Variants in PI4KA observed in about 807,000 individuals in gnomAD.
The protein encoded by PI4KA is phosphatidylinositol 4-kinase alpha.
In PI4KA, 122 loss-of-function variants were observed where a neutral mutation model predicts 271.4. The observed-to-expected ratio is 0.45, with a 90% CI of 0.39 to 0.52. The LOEUF is 0.52. PI4KA is among the 20% of genes least tolerant of loss of function. The pLI is 0.00. For missense variants in PI4KA, 1,969 were observed against 2,769.1 expected (o/e 0.71, Z 6.48); for synonymous variants, 1,041 against 1,078.8 (o/e 0.96, Z 0.69).
At chr22:20,804,062 C>T (rs760861788) in intron 12 of PI4KA, among the ~76,000 whole-genome samples, 7 of 152,218 alleles carry the variant, frequency 4.6e-5, no homozygotes, top group Non-Finnish European at 7.4e-5. Context: ...CTCACAACAA[C>T]GGAGAACTGA....
intron 19 of PI4KA, among the ~76,000 whole-genome samples, chr22:20,771,559 T>C (rs1932874002): frequency 1.4e-5 from 2 of 142,408 alleles, no homozygotes; most frequent in Non-Finnish European, 3.1e-5. Context: ...ACAGGAAATA[T>C]GTTGGCTTTA....
chr22:20,713,590 G>T (rs935291847), intron 47 of PI4KA, among the ~76,000 whole-genome samples, 200 bp from the exon 48 acceptor site: 2 of 152,222 alleles, frequency 1.3e-5, no homozygotes, highest in African/African-American at 4.8e-5. Flanking sequence ...TCCAGGGTTG[G>T]AGTCTAAGAA....
intron 4 of PI4KA, 32 bp from the exon 5 acceptor site, chr22:20,820,643 A>AT: frequency 6.8e-7 from 1 of 1,472,886 alleles, no homozygotes; most frequent in East Asian, 2.3e-5. Flanking sequence ...GAAAAAAAAA[A>AT]CATAAACAAA....
chr22:20,746,057 AAGAAT>A (rs1930038204), intron 29 of PI4KA, among the ~76,000 whole-genome samples: 1 of 137,718 alleles, frequency 7.3e-6, no homozygotes, highest in East Asian at 2.2e-4. Flanking sequence ...AAAAAAAAAA[AAGAAT>A]TTTTTTTTTT....
intron 1 of PI4KA, among the ~76,000 whole-genome samples, chr22:20,842,940 T>C (rs184809767): frequency 1.1e-4 from 17 of 150,562 alleles, no homozygotes; most frequent in African/African-American, 3.9e-4. Flanking sequence ...CTACTAAAAA[T>C]ACAAAAAATT....
intron 30 of PI4KA, among the ~76,000 whole-genome samples, chr22:20,744,036 A>G (rs762852251): frequency 8.5e-5 from 13 of 152,224 alleles, no homozygotes; most frequent in Admixed American, 1.3e-4. Context: ...CCTGGGCAAC[A>G]GAACGAGACT....
At chr22:20,764,993 A>G (rs942238559) in intron 21 of PI4KA, 43 bp from the exon 22 acceptor site, 1 of 1,586,246 alleles carries the variant, frequency 6.3e-7, no homozygotes, top group Admixed American at 1.7e-5. Flanking sequence ...GGCATCCCCC[A>G]GGACAAACAG....
At chr22:20,807,601 G>C (rs1935739465) in intron 9 of PI4KA, 143 bp from the exon 10 acceptor site, 1 of 615,514 alleles carries the variant, frequency 1.6e-6, no homozygotes. Context: ...CTCATCACTT[G>C]GACACTCTAC....
intron 14 of PI4KA, among the ~76,000 whole-genome samples, chr22:20,801,390 T>C: frequency 6.8e-6 from 1 of 146,748 alleles, no homozygotes; most frequent in East Asian, 2.1e-4. Context: ...TTGAGACCAG[T>C]CTGGCCAACA....
intron 4 of PI4KA, among the ~76,000 whole-genome samples, chr22:20,821,650 T>C (rs1251641698): frequency 1.3e-5 from 2 of 151,698 alleles, no homozygotes; most frequent in Non-Finnish European, 2.9e-5. Flanking sequence ...TGCAGTGCAA[T>C]GGCATGTCTC....
chr22:20,844,817 C>G (rs1460969916), intron 1 of PI4KA, among the ~76,000 whole-genome samples: 1 of 152,184 alleles, frequency 6.6e-6, no homozygotes, highest in African/African-American at 2.4e-5. Context: ...CCCCCTTTTA[C>G]ATATGATGAA....
At chr22:20,723,211 G>A (rs1312118569) in intron 42 of PI4KA, among the ~76,000 whole-genome samples, 4 of 151,406 alleles carry the variant, frequency 2.6e-5, no homozygotes, top group Non-Finnish European at 4.4e-5. Context: ...TAGTAGAGAC[G>A]GGGTTTCACC....
At chr22:20,830,145 T>C (rs1923962506) in intron 3 of PI4KA, among the ~76,000 whole-genome samples, 1 of 152,214 alleles carries the variant, frequency 6.6e-6, no homozygotes, top group African/African-American at 2.4e-5. Flanking sequence ...TAGATATCTA[T>C]TAGGTCCATT....
intron 1 of PI4KA, among the ~76,000 whole-genome samples, chr22:20,857,780 T>G (rs897358357): frequency 6.6e-6 from 1 of 152,208 alleles, no homozygotes; most frequent in Non-Finnish European, 1.5e-5. Context: ...TAAGTGCCAG[T>G]GCAGGGAACA....
intron 19 of PI4KA, among the ~76,000 whole-genome samples, chr22:20,768,617 T>C (rs1438290721): frequency 6.6e-6 from 1 of 152,164 alleles, no homozygotes; most frequent in Non-Finnish European, 1.5e-5. Flanking sequence ...CCTTTTACAA[T>C]CAAAGGGAGG....
chr22:20,712,224 A>AG (rs1925382609), intron 50 of PI4KA: 2 of 226,262 alleles, frequency 8.8e-6, no homozygotes, highest in Admixed American at 6.6e-5. Flanking sequence ...TGCCCAGCTA[A>AG]TTTTTGTATT....
rs374646647 is a variant in PI4KA at position 20,836,284 on chromosome 22, G to A, written c.274-1629C>T. 1.1e-4 allele frequency among the ~76,000 whole-genome samples: 17 copies of A among 152,210 alleles called. No individual in the cohort carries two copies. The South Asian group carries it at 2.9e-3, about 26-fold the overall frequency. On this transcript the variant is annotated intron_variant, in intron 2 of 54. Transcript: ENST00000255882. ...AGCCCTGTCTAAATTGCAGATTCAC[G>A]AATCAAACAAAATGATGTATTAAGC... is the stretch of plus-strand genomic sequence containing the variant.
At chr22:20,770,578 GGACACACACA>G (rs1932827766) in intron 19 of PI4KA, among the ~76,000 whole-genome samples, 1 of 47,812 alleles carries the variant, frequency 2.1e-5, no homozygotes, top group Non-Finnish European at 3.7e-5. Context: ...AGCTGGACAC[GGACACACACA>G]CACACACACA....
chr22:20,733,620 G>A, intron 35 of PI4KA, 116 bp downstream of exon 35: 1 of 1,547,928 alleles, frequency 6.5e-7, no homozygotes, highest in East Asian at 2.3e-5. Flanking sequence ...AGGTTGGTGA[G>A]CACAACTGGG....
Sources: gnomAD v4.1 joint callset for allele counts (sites outside exome capture counted in the v4.1 genomes callset) on GRCh38, gnomAD v4.1.1 for gene constraint, MANE v1.5 for transcripts, NCBI Gene and HGNC (gene_info 2026-07-23, HGNC 2026-07-21) for gene names.